Variants in ILDR2 observed in about 807,000 individuals in gnomAD.
ILDR2 encodes the protein immunoglobulin-like domain-containing receptor 2.
ILDR2 carries 25 observed loss-of-function variants against 66.8 expected under a neutral mutation model. That is an observed-to-expected ratio of 0.37 (90% CI 0.27 to 0.52). The LOEUF (loss-of-function observed/expected upper bound fraction) is 0.52, where lower values mean the gene tolerates loss of function less well. Ranked by LOEUF, ILDR2 falls within the 20% of genes least tolerant of loss-of-function variation. ILDR2 has a pLI of 0.88. For synonymous variants in ILDR2, 367 were observed against 357.2 expected (o/e 1.03, Z -0.31); for missense variants, 827 against 876.8 (o/e 0.94, Z 0.72).
At chr1:166,968,902 T>C (rs145844513) in intron 1 of ILDR2, among the ~76,000 whole-genome samples, 3 of 152,236 alleles carry the variant, frequency 2.0e-5, no homozygotes, top group African/African-American at 4.8e-5. Flanking sequence ...ACAGGTCTCA[T>C]ATAATATGAG....
intron 2 of ILDR2, among the ~76,000 whole-genome samples, chr1:166,897,435 C>T (rs937005997): frequency 2.0e-5 from 3 of 152,254 alleles, no homozygotes; most frequent in African/African-American, 7.2e-5. Flanking sequence ...CTAATTTATG[C>T]TAATGAGGTG....
Position 166,920,783 on chromosome 1 carries a change from G to T in ILDR2, c.1808C>A (p.Pro603Gln). The change falls in exon 9 of 10, where the codon CCG becomes CAG. Residue 603 changes from proline (P) to glutamine (Q), a missense_variant. By Grantham distance (76) the Pro-to-Gln change is moderately conservative (BLOSUM62 -1). Transcript: ENST00000271417. ...PYSELELTRG[P>Q]SYRGRDLPYH... ...GGGCAGGTCGCGGCCGCGGTAGGAC[G>T]GGCCGCGGGTCAGCTCCAGCTCGCT... 6.6e-7 allele frequency: 1 copy of T among 1,520,672 alleles called. No individual in the cohort carries two copies. Among genetic ancestry groups the T allele is most frequent in the Non-Finnish European group, 8.8e-7 (1 of 1,134,712 alleles). 94.2% of individuals were successfully genotyped at this position (1,520,672 alleles called of 1,614,324 possible).
chr1:166,898,251 G>A (rs1488792349), intron 2 of ILDR2, among the ~76,000 whole-genome samples: 1 of 152,154 alleles, frequency 6.6e-6, no homozygotes, highest in Non-Finnish European at 1.5e-5. Context: ...GAGAGTCCAG[G>A]CTGGAGACAA....
Position 166,916,023 on chromosome 1 carries a change from C to T in ILDR2, c.*3332G>A, listed in dbSNP as rs1659630176. On this transcript the variant is annotated 3_prime_UTR_variant, in exon 10 of 10. Coordinates refer to ENST00000271417, the MANE Select transcript of ILDR2 (RefSeq NM_199351.3). Reference sequence around the variant, plus strand: ...CATGCACCAGGTCCATGGCCATTGTCTCCAACTTCCTAATGAATCCATGCA... The same window carrying T: ...CATGCACCAGGTCCATGGCCATTGTTTCCAACTTCCTAATGAATCCATGCA... The T allele has an allele frequency of 6.6e-6, 1 of 152,200 alleles. No individual in the cohort carries two copies. The highest frequency in any genetic ancestry group is 2.1e-4 in the South Asian group (1 of 4,818). The allele number at this position is 152,200 out of a possible 1,614,324, so 9.4% of individuals were successfully genotyped here. A position where few individuals can be genotyped will look rare whatever the true frequency, so the allele number is the denominator to read the frequency against.
At chr1:166,905,763 CT>C (rs576385010), downstream of ILDR2, among the ~76,000 whole-genome samples, 356 of 152,308 alleles carry the variant, frequency 2.3e-3, 1 homozygote, top group African/African-American at 8.2e-3. Flanking sequence ...ACCTCTATAG[CT>C]ACAAATAAAT....
In ILDR2 at chr1:166,919,296, G is replaced by C; in HGVS notation, c.*59C>G. ...CCTGGGCCTGCTGGTTCTTAGATTT[G>C]TGTCTTGTCCCCGTAGTCCATGTCT... On this transcript the variant is annotated 3_prime_UTR_variant, in exon 10 of 10. Transcript: ENST00000271417. 1 of 1,495,122 alleles carries C rather than the reference G, an allele frequency of 6.7e-7. No homozygotes were observed. Among genetic ancestry groups the C allele is most frequent in the South Asian group, 1.2e-5 (1 of 85,944 alleles). 92.6% of individuals were successfully genotyped at this position (1,495,122 alleles called of 1,614,324 possible).
chr1:166,926,213 C>G (rs1011439154), intron 7 of ILDR2, among the ~76,000 whole-genome samples: 2 of 152,086 alleles, frequency 1.3e-5, no homozygotes, highest in Non-Finnish European at 2.9e-5. Context: ...AAAGAGACAG[C>G]ATAATGACCT....
chr1:166,921,036 C>A lies in ILDR2; in HGVS notation c.1555G>T (p.Gly519Cys), dbSNP rs867537335. The A allele has an allele frequency of 6.6e-7, 1 of 1,511,064 alleles. No homozygotes were observed. Among genetic ancestry groups the A allele is most frequent in the Non-Finnish European group, 8.8e-7 (1 of 1,140,780 alleles). The allele number at this position is 1,511,064 out of a possible 1,614,324, so 93.6% of individuals were successfully genotyped here. ...HLPRLVSRTPGTAPKYDHSYL... is the reference protein window; with the variant it reads ...HLPRLVSRTPCTAPKYDHSYL... ...GAGTGGTCGTATTTGGGTGCGGTGC[C>A]TGGCGTGCGGCTCACCAGCCGCGGC... Residue 519 changes from glycine to cysteine, a missense_variant, in exon 9 of 10, where the codon GGC becomes TGC. By Grantham distance (159) the Gly-to-Cys change is radical. Transcript: ENST00000271417. This position sits in a 1 kb window ranked among gnomAD's most constrained non-coding sequence, Gnocchi z 5.3.
intron 1 of ILDR2, among the ~76,000 whole-genome samples, chr1:166,964,221 G>A (rs957573351): frequency 3.3e-5 from 5 of 152,046 alleles, no homozygotes; most frequent in African/African-American, 7.2e-5. Context: ...GCTTTGCAGA[G>A]GAGGGAGTCA....
rs1366143867 is a variant in ILDR2, at chr1:166,935,369, C to T, written c.812G>A (p.Gly271Asp). ...SVPLGGAPSS[G>D]MLMDKPHPPP... ...TGGATGCGGCTTGTCCATCAGCATGCCAGATGAGGGGGCTCCTCCCAAAGG... is the reference window on the plus strand; with the variant it reads ...TGGATGCGGCTTGTCCATCAGCATGTCAGATGAGGGGGCTCCTCCCAAAGG... The change falls in exon 6 of 10, where the codon GGC becomes GAC. Residue 271 changes from glycine to aspartate, a missense_variant. Gly to Asp is a moderately conservative substitution (Grantham distance 94, BLOSUM62 -1). Transcript: ENST00000271417. 1 of 1,613,976 alleles carries T rather than the reference C, an allele frequency of 6.2e-7. No homozygotes were observed. Among genetic ancestry groups the T allele is most frequent in the Non-Finnish European group, 8.5e-7 (1 of 1,179,996 alleles).
At chr1:166,932,548 T>C (rs1315736419) in intron 6 of ILDR2, among the ~76,000 whole-genome samples, 1 of 152,110 alleles carries the variant, frequency 6.6e-6, no homozygotes, top group Non-Finnish European at 1.5e-5. Flanking sequence ...GGAGTGTGGG[T>C]GTTCAACACA....
In ILDR2 at chr1:166,900,771, G is replaced by C. The variant is rs114139045; in HGVS notation, n.172-4670C>G. Among the ~76,000 whole-genome samples the C allele has an allele frequency of 2.5e-3, 380 of 152,350 alleles. 1 individual carries two copies. The highest frequency in any genetic ancestry group is 6.8e-3 in the Middle Eastern group (2 of 294). On this transcript the variant is annotated intron_variant and non_coding_transcript_variant, in intron 2 of 2. Transcript: ENST00000414590. Reference sequence around the variant, plus strand: ...CTTATATTAATTACCTGCAGTTGATGAGGCCACCAACAGAAGTAGAAAAAA... The same window carrying C: ...CTTATATTAATTACCTGCAGTTGATCAGGCCACCAACAGAAGTAGAAAAAA...
chr1:166,896,632 C>CTATA (rs1448504796), intron 2 of ILDR2, among the ~76,000 whole-genome samples: 4 of 144,604 alleles, frequency 2.8e-5, no homozygotes, highest in African/African-American at 5.1e-5. Flanking sequence ...TTAACTTCAT[C>CTATA]TACTTTTTTT....
intron 1 of ILDR2, among the ~76,000 whole-genome samples, chr1:166,962,941 C>T (rs1004584710): frequency 6.6e-6 from 1 of 152,184 alleles, no homozygotes; most frequent in Non-Finnish European, 1.5e-5. Flanking sequence ...TCTCACACCC[C>T]CAACTCCCTT....
At chr1:166,935,726 T>C (rs1219386793) in intron 5 of ILDR2, among the ~76,000 whole-genome samples, 1 of 152,064 alleles carries the variant, frequency 6.6e-6, no homozygotes, top group African/African-American at 2.4e-5. Context: ...ACTAAATAAT[T>C]AAGTGGTTCT....
chr1:166,957,778 T>C lies in ILDR2; in HGVS notation c.370A>G (p.Ile124Val). 1 of 1,610,338 alleles carries C rather than the reference T, an allele frequency of 6.2e-7. No homozygotes were observed. The highest frequency in any genetic ancestry group is 8.5e-7 in the Non-Finnish European group (1 of 1,177,018). ...GDFYRGREITIVHDADLQIGK... is the reference protein window; with the variant it reads ...GDFYRGREITVVHDADLQIGK... The stretch of plus-strand genomic sequence containing the variant: ...ATAGGGGCATTATTACCATGAACAA[T>C]CGTGATCTCTCTGCCCCTGTAGAAA... Residue 124 changes from isoleucine (I) to valine (V), a missense_variant, in exon 2 of 10, where the codon ATT (isoleucine) becomes GTT (valine). This residue lies in a region of ILDR2 where 437 missense variants were observed against 523.2 expected (regional missense o/e 0.84). Transcript: ENST00000271417.
Position 166,939,516 on chromosome 1 carries a change from G to C in ILDR2, c.554C>G (p.Pro185Arg), listed in dbSNP as rs750958966. Residue 185 changes from proline (P) to arginine (R), a missense_variant and splice_region_variant, in exon 4 of 10, where the codon CCA becomes CGA. Pro to Arg is a moderately radical substitution (Grantham distance 103). This residue lies in a region of ILDR2 where 437 missense variants were observed against 523.2 expected (regional missense o/e 0.84). Coordinates refer to ENST00000271417, the MANE Select transcript of ILDR2 (RefSeq NM_199351.3). Reference protein sequence around the residue: ...LLPSFAVEIMPEWVFVGLVLL... With the variant: ...LLPSFAVEIMREWVFVGLVLL... ...TAAAGAGTTAAATGACCGAATACCT[G>C]GCATAATCTCCACAGCAAAACTGGG... is the stretch of plus-strand genomic sequence containing the variant. The C allele has an allele frequency of 1.7e-5, 28 of 1,612,690 alleles. No homozygotes were observed. Among genetic ancestry groups the C allele is most frequent in the Admixed American group, 5.0e-5 (3 of 60,014 alleles).
rs1446521466 is a variant in ILDR2 at position 166,915,523 on chromosome 1, C to A, written c.*3832G>T. On this transcript the variant is annotated 3_prime_UTR_variant, in exon 10 of 10. Transcript: ENST00000271417. ...TTTAACAGCAGCTATCAAGTTAATT[C>A]TTGTGGTTAGGCAATTTTGGGAAAC... 1 of 152,170 alleles carries A rather than the reference C, an allele frequency of 6.6e-6. No homozygotes were observed. The highest frequency in any genetic ancestry group is 1.5e-5 in the Non-Finnish European group (1 of 68,046). 9.4% of individuals were successfully genotyped at this position (152,170 alleles called of 1,614,324 possible). A position where few individuals can be genotyped will look rare whatever the true frequency, so the allele number is the denominator to read the frequency against.
chr1:166,921,363 A>C lies in ILDR2; in HGVS notation c.1228T>G (p.Ser410Ala). 1 of 1,572,174 alleles carries C rather than the reference A, an allele frequency of 6.4e-7. No individual in the cohort carries two copies. Among genetic ancestry groups the C allele is most frequent in the Non-Finnish European group, 8.7e-7 (1 of 1,155,108 alleles). ...SFRHSQPRSK[S>A]EMLSRKNFAT... ...AAGTTCTTCCGCGACAGCATCTCCG[A>C]CTTGGAGCGCGGCTGGCTGCGGGCA... is the stretch of plus-strand genomic sequence containing the variant. Residue 410 changes from serine (S) to alanine (A), a missense_variant, in exon 9 of 10, where the codon TCG becomes GCG. Physicochemically the swap from Ser to Ala is moderately conservative, Grantham distance 99. Transcript: ENST00000271417. This position sits in a 1 kb window ranked among gnomAD's most constrained non-coding sequence, Gnocchi z 5.3.
Sources: allele counts gnomAD v4.1 joint callset (sites outside exome capture counted in the v4.1 genomes callset), GRCh38; gene constraint gnomAD v4.1.1; regional missense constraint gnomAD v4.1.1; non-coding constraint Gnocchi (gnomAD v3.1); transcripts MANE v1.5; gene names NCBI Gene and HGNC (gene_info 2026-07-23, HGNC 2026-07-21).